SMYD3: variants seen among roughly 807,000 people sequenced by gnomAD.
SMYD3 encodes SET and MYND domain containing 3.
SMYD3 carries 36 observed loss-of-function variants against 57.7 expected under a neutral mutation model. The observed-to-expected ratio is 0.62, with a 90% CI of 0.48 to 0.82. SMYD3 has a LOEUF of 0.82. Ranked by LOEUF, SMYD3 falls within the 40% of genes least tolerant of loss-of-function variation. The probability of loss-of-function intolerance (pLI) is 0.00; values close to 1 mark genes in which losing one functional copy is unlikely to be tolerated. For synonymous variants in SMYD3, 211 were observed against 195.0 expected (o/e 1.08, Z -0.68); for missense variants, 515 against 538.8 (o/e 0.96, Z 0.44).
At position 246,298,088 on chromosome 1, in the gene SMYD3, A is replaced by G. The variant is rs116524725; in HGVS notation, c.531+29113T>C. 2.9e-3 allele frequency among the ~76,000 whole-genome samples: 442 copies of G among 152,200 alleles called. 2 individuals carry two copies. The highest frequency in any genetic ancestry group is 4.8e-3 in the Non-Finnish European group (325 of 67,954). ...TTGCTACACCCTCTTCTGGAAAGAC[A>G]ATAAACAACATAAGCTTTTTCCTTT... On this transcript the variant is annotated intron_variant, in intron 5 of 11. Coordinates refer to ENST00000490107, the MANE Select transcript of SMYD3 (RefSeq NM_001167740.2).
At chr1:246,102,932 C>G (rs2061045164) in intron 5 of SMYD3, among the ~76,000 whole-genome samples, 1 of 152,036 alleles carries the variant, frequency 6.6e-6, no homozygotes, top group South Asian at 2.1e-4. Context: ...ACATTCATGG[C>G]CCCACATTCT....
intron 5 of SMYD3, among the ~76,000 whole-genome samples, chr1:246,297,045 C>T (rs1019099738): frequency 6.6e-6 from 1 of 152,078 alleles, no homozygotes; most frequent in African/African-American, 2.4e-5. Flanking sequence ...GGCAATGATT[C>T]AGGGACATAA....
chr1:246,391,403 AGAG>A (rs1558440308), intron 1 of SMYD3, among the ~76,000 whole-genome samples: 2,218 of 48,122 alleles, frequency 0.046, 29 homozygotes, highest in Middle Eastern at 0.09. Flanking sequence ...AAAGAGAGAG[AGAG>A]AAAGAGAGAG....
intron 1 of SMYD3, among the ~76,000 whole-genome samples, chr1:246,392,201 A>T (rs934261410): frequency 6.6e-6 from 1 of 152,208 alleles, no homozygotes; most frequent in African/African-American, 2.4e-5. Flanking sequence ...ATAAACGAAC[A>T]AATGAACAAT....
At chr1:246,475,026 T>C (rs753893675) in intron 1 of SMYD3, among the ~76,000 whole-genome samples, 1 of 152,004 alleles carries the variant, frequency 6.6e-6, no homozygotes, top group South Asian at 2.1e-4. Flanking sequence ...CATTAAAAAG[T>C]TTGTACTTGG....
At chr1:245,999,604 A>AAAAG (rs35490636) in intron 5 of SMYD3, among the ~76,000 whole-genome samples, 23,408 of 151,860 alleles carry the variant, frequency 0.15, 2,314 homozygotes, top group East Asian at 0.44. Context: ...AAAAAAGAAA[A>AAAAG]AAAGAAAGAA....
At chr1:246,301,455 C>G (rs1488950379) in intron 5 of SMYD3, among the ~76,000 whole-genome samples, 3 of 152,118 alleles carry the variant, frequency 2.0e-5, no homozygotes, top group Non-Finnish European at 4.4e-5. Flanking sequence ...AACAATAAAG[C>G]TACAGTGGGA....
At chr1:246,023,586 T>C (rs1448167178) in intron 5 of SMYD3, among the ~76,000 whole-genome samples, 2 of 152,144 alleles carry the variant, frequency 1.3e-5, no homozygotes, top group Non-Finnish European at 2.9e-5. Context: ...GTGTAGAGGA[T>C]GATGCTCAGA....
chr1:245,939,628 G>GAAGA (rs1471588790), intron 5 of SMYD3, among the ~76,000 whole-genome samples: 5 of 80,828 alleles, frequency 6.2e-5, no homozygotes, highest in Admixed American at 4.9e-4. Context: ...TCCGTCTCAG[G>GAAGA]AAGAAATAAA....
At chr1:246,368,455 C>A (rs1359982737) in intron 1 of SMYD3, among the ~76,000 whole-genome samples, 1 of 152,172 alleles carries the variant, frequency 6.6e-6, no homozygotes, top group Non-Finnish European at 1.5e-5. Context: ...CCCACAGAAT[C>A]CACTTTAAAC....
At chr1:245,769,682 C>T (rs1041632358) in intron 10 of SMYD3, among the ~76,000 whole-genome samples, 4 of 152,188 alleles carry the variant, frequency 2.6e-5, no homozygotes, top group South Asian at 2.1e-4. Context: ...AATGGCATTG[C>T]GCATGGAAGA....
chr1:246,506,398 G>C (rs2068538576), intron 1 of SMYD3, among the ~76,000 whole-genome samples: 1 of 152,126 alleles, frequency 6.6e-6, no homozygotes. Context: ...CACAGCACAC[G>C]GGGGACCCGT....
At chr1:246,438,838 T>C (rs918081595) in intron 1 of SMYD3, among the ~76,000 whole-genome samples, 2 of 151,196 alleles carry the variant, frequency 1.3e-5, no homozygotes, top group Non-Finnish European at 2.9e-5. Context: ...GTGTGCAACC[T>C]AGATCCCTCA....
chr1:246,118,904 TA>T (rs199596591), intron 5 of SMYD3, among the ~76,000 whole-genome samples: 5,724 of 151,604 alleles, frequency 0.038, 143 homozygotes, highest in Middle Eastern at 0.12. Flanking sequence ...TGCAGGACCT[TA>T]AGGATGAAAG....
At chr1:246,345,704 G>A (rs958298070) in intron 2 of SMYD3, among the ~76,000 whole-genome samples, 5 of 152,040 alleles carry the variant, frequency 3.3e-5, no homozygotes, top group Admixed American at 6.6e-5. Context: ...CTCCTCCCAG[G>A]GACAGCCAAT....
chr1:245,925,562 T>C (rs973926564), intron 7 of SMYD3, among the ~76,000 whole-genome samples: 2 of 152,132 alleles, frequency 1.3e-5, no homozygotes, highest in African/African-American at 4.8e-5. Context: ...AGGACACAAG[T>C]CTTCTCCAAT....
At position 246,252,543 on chromosome 1, in the gene SMYD3, TTC is replaced by T. The variant is rs1273994559; in HGVS notation, c.531+74656_531+74657del. Among the ~76,000 whole-genome samples the T allele has an allele frequency of 1.9e-3, 294 of 152,056 alleles. 2 individuals are homozygous for T. Among genetic ancestry groups the T allele is most frequent in the African/African-American group, 6.8e-3 (280 of 41,334 alleles). On this transcript the variant is annotated intron_variant, in intron 5 of 11. Coordinates refer to ENST00000490107, the MANE Select transcript of SMYD3 (RefSeq NM_001167740.2). ...ATTATAAATTTATTCTGTTAAAGGT[TTC>T]TGTTTAAAAAAAAATCCATGTATTT...
chr1:246,085,341 A>C (rs775503301), intron 5 of SMYD3, among the ~76,000 whole-genome samples: 1 of 152,170 alleles, frequency 6.6e-6, no homozygotes, highest in Non-Finnish European at 1.5e-5. Context: ...GGTCCAAGAC[A>C]TCCTACCCCA....
At chr1:246,393,788 G>C (rs999007364) in intron 1 of SMYD3, among the ~76,000 whole-genome samples, 1 of 152,022 alleles carries the variant, frequency 6.6e-6, no homozygotes, top group Non-Finnish European at 1.5e-5. Context: ...CCTGGGAAGT[G>C]AGGCTGCCGT....
Sources: gnomAD v4.1 joint callset for allele counts (sites outside exome capture counted in the v4.1 genomes callset) on GRCh38, gnomAD v4.1.1 for gene constraint, MANE v1.5 for transcripts, NCBI Gene and HGNC (gene_info 2026-07-23, HGNC 2026-07-21) for gene names.